Variants in EPHX2 observed in about 807,000 individuals in gnomAD.
The protein encoded by EPHX2 is epoxide hydrolase 2, also known as bifunctional epoxide hydrolase 2.
In EPHX2, 74 loss-of-function variants were observed where a neutral mutation model predicts 78.7. The ratio of observed to expected loss-of-function variants is 0.94; its 90% CI spans 0.78 to 1.14. The LOEUF is 1.14. EPHX2 is among the 50% of genes most tolerant of loss of function. The probability of loss-of-function intolerance (pLI) is 0.00; values close to 1 mark genes in which losing one functional copy is unlikely to be tolerated. For synonymous variants in EPHX2, 251 were observed against 255.2 expected (o/e 0.98, Z 0.16); for missense variants, 715 against 702.5 (o/e 1.02, Z -0.20).
At chr8:27,495,741 A>T (rs1813548890) in intron 1 of EPHX2, among the ~76,000 whole-genome samples, 1 of 152,204 alleles carries the variant, frequency 6.6e-6, no homozygotes, top group Non-Finnish European at 1.5e-5. Context: ...TTGCCACTAC[A>T]TCAGTTTCCT....
intron 5 of EPHX2, 115 bp downstream of exon 5, chr8:27,507,109 G>A: frequency 7.3e-7 from 1 of 1,362,460 alleles, no homozygotes; most frequent in Non-Finnish European, 9.9e-7. Flanking sequence ...TGACTCCTGG[G>A]CACCGCTGGT....
chr8:27,499,754 C>T (rs1272097527), intron 1 of EPHX2, among the ~76,000 whole-genome samples: 2 of 152,252 alleles, frequency 1.3e-5, no homozygotes, highest in African/African-American at 4.8e-5. Context: ...TGTTTTCTCT[C>T]ACAGCTCTGG....
chr8:27,544,619 T>A lies in EPHX2; in HGVS notation c.*97T>A. On this transcript the variant is annotated 3_prime_UTR_variant, in exon 19 of 19. Transcript: ENST00000521400. ...GAGGTGGCCTTACACACATCTTGCA[T>A]GGATGGCAGCATTGTTCTGAAGGGG... 8.3e-7 allele frequency: 1 copy of A among 1,199,576 alleles called. No homozygotes were observed. The highest frequency in any genetic ancestry group is 1.2e-6 in the Non-Finnish European group (1 of 809,878). 74.3% of individuals were successfully genotyped at this position (1,199,576 alleles called of 1,614,324 possible). A position where few individuals can be genotyped will look rare whatever the true frequency, so the allele number is the denominator to read the frequency against.
At chr8:27,498,252 G>A (rs530355370) in intron 1 of EPHX2, among the ~76,000 whole-genome samples, 14 of 152,122 alleles carry the variant, frequency 9.2e-5, no homozygotes, top group Admixed American at 3.3e-4. Context: ...CCGATAGCCC[G>A]GGGGTTTTAT....
rs138259466 is a variant in EPHX2, at chr8:27,494,727, G to A, written c.101+3418G>A. Among the ~76,000 whole-genome samples the A allele has an allele frequency of 2.0e-3, 304 of 152,290 alleles. 6 individuals carry two copies. In the East Asian group the frequency reaches 0.043, roughly 22 times the overall value. ...TGTTGGATGGTCTGAAGGAGATTTGGCCCTGTAAATAGGGATTTGGCCATT... is the reference window on the plus strand; with the variant it reads ...TGTTGGATGGTCTGAAGGAGATTTGACCCTGTAAATAGGGATTTGGCCATT... On this transcript the variant is annotated intron_variant, in intron 1 of 18. Coordinates refer to ENST00000521400, the MANE Select transcript of EPHX2 (RefSeq NM_001979.6).
chr8:27,540,338 G>A (rs983389434), intron 14 of EPHX2, among the ~76,000 whole-genome samples: 6 of 152,172 alleles, frequency 3.9e-5, no homozygotes, highest in Non-Finnish European at 7.3e-5. Flanking sequence ...GGCTAGGTGG[G>A]AGGGAACATC....
At chr8:27,497,834 C>T (rs574588624) in intron 1 of EPHX2, among the ~76,000 whole-genome samples, 2 of 152,270 alleles carry the variant, frequency 1.3e-5, no homozygotes, top group South Asian at 2.1e-4. Context: ...GACAGGTCAA[C>T]GGATGTTTGC....
At chr8:27,540,772 C>A in intron 15 of EPHX2, 116 bp downstream of exon 15, 1 of 919,876 alleles carries the variant, frequency 1.1e-6, no homozygotes, top group Non-Finnish European at 1.7e-6. Context: ...TCGTTAGTGC[C>A]AGGCCAGCCT....
At chr8:27,492,384 A>T (rs1308672237) in intron 1 of EPHX2, among the ~76,000 whole-genome samples, 1 of 152,168 alleles carries the variant, frequency 6.6e-6, no homozygotes, top group Non-Finnish European at 1.5e-5. Flanking sequence ...TAGTGCATGC[A>T]TGTAGCCCCA....
At chr8:27,496,714 C>T (rs1813586785) in intron 1 of EPHX2, among the ~76,000 whole-genome samples, 3 of 152,140 alleles carry the variant, frequency 2.0e-5, no homozygotes, top group Non-Finnish European at 4.4e-5. Flanking sequence ...ATCATGTAAT[C>T]CTTTATGAGC....
intron 9 of EPHX2, 29 bp from the exon 10 acceptor site, chr8:27,520,854 A>C (rs760894327): frequency 1.9e-6 from 3 of 1,613,986 alleles, no homozygotes; most frequent in Non-Finnish European, 2.5e-6. Context: ...GTGGTTGCTG[A>C]TTTTGCCTGT....
intron 10 of EPHX2, among the ~76,000 whole-genome samples, chr8:27,522,140 A>AAGG (rs10651934): frequency 0.76 from 115,558 of 151,902 alleles, 45,097 homozygotes; most frequent in African/African-American, 0.94. Flanking sequence ...AGGGAGGAAA[A>AAGG]AGAAAAGAAC....
chr8:27,491,170 T>C lies in EPHX2; in HGVS notation c.-39T>C. On this transcript the variant is annotated 5_prime_UTR_variant, in exon 1 of 19. Transcript: ENST00000521400. Reference sequence around the variant, plus strand: ...CCTGGCCTTCGCGCATCTCCCAGGTTAGCTGCGTGTCCGGGTGCTAGGCTG... The same window carrying C: ...CCTGGCCTTCGCGCATCTCCCAGGTCAGCTGCGTGTCCGGGTGCTAGGCTG... 1 of 1,539,488 alleles carries C rather than the reference T, an allele frequency of 6.5e-7. No individual in the cohort carries two copies. The highest frequency in any genetic ancestry group is 1.2e-5 in the South Asian group (1 of 84,750).
chr8:27,508,736 G>A (rs1201805474), intron 5 of EPHX2, among the ~76,000 whole-genome samples: 1 of 152,122 alleles, frequency 6.6e-6, no homozygotes, highest in Non-Finnish European at 1.5e-5. Flanking sequence ...TGCATGTAAC[G>A]TAAAATTTGC....
intron 4 of EPHX2, among the ~76,000 whole-genome samples, chr8:27,505,971 T>C (rs1457619109): frequency 1.3e-5 from 2 of 152,180 alleles, no homozygotes; most frequent in African/African-American, 4.8e-5. Flanking sequence ...TCTTTTTATT[T>C]ATTTATTGTT....
intron 16 of EPHX2, among the ~76,000 whole-genome samples, chr8:27,542,327 A>T (rs1044677494): frequency 6.6e-6 from 1 of 152,146 alleles, no homozygotes; most frequent in Non-Finnish European, 1.5e-5. Flanking sequence ...GGCTGAGTCT[A>T]ATCCCTGTGT....
chr8:27,533,969 T>C (rs1250787333), intron 12 of EPHX2, among the ~76,000 whole-genome samples: 1 of 152,204 alleles, frequency 6.6e-6, no homozygotes, highest in Non-Finnish European at 1.5e-5. Flanking sequence ...CAGGCTTCCA[T>C]GGGTTCCTTC....
At chr8:27,513,198 C>T (rs1479002054) in intron 6 of EPHX2, among the ~76,000 whole-genome samples, 1 of 152,134 alleles carries the variant, frequency 6.6e-6, no homozygotes, top group Non-Finnish European at 1.5e-5. Flanking sequence ...AGTGGGCATC[C>T]AGGCACGAGT....
chr8:27,530,455 T>G (rs184381945), intron 12 of EPHX2, among the ~76,000 whole-genome samples: 5 of 152,364 alleles, frequency 3.3e-5, no homozygotes, highest in Admixed American at 1.3e-4. Flanking sequence ...TATTTTTGAA[T>G]GTTTTTAAGC....
Sources: allele counts gnomAD v4.1 joint callset (sites outside exome capture counted in the v4.1 genomes callset), GRCh38; gene constraint gnomAD v4.1.1; transcripts MANE v1.5; gene names NCBI Gene and HGNC (gene_info 2026-07-23, HGNC 2026-07-21).